SPIDR: variants seen among roughly 807,000 people sequenced by gnomAD.
SPIDR encodes DNA repair-scaffolding protein.
A neutral mutation model predicts 104.6 loss-of-function variants in SPIDR; 93 were observed. The observed-to-expected ratio is 0.89, with a 90% CI of 0.75 to 1.06. SPIDR has a LOEUF of 1.06. SPIDR is among the 50% of genes least tolerant of loss of function. The probability of loss-of-function intolerance (pLI) is 0.00; values close to 1 mark genes in which losing one functional copy is unlikely to be tolerated. For synonymous variants in SPIDR, 431 were observed against 416.9 expected (o/e 1.03, Z -0.41); for missense variants, 1,154 against 1,111.2 (o/e 1.04, Z -0.55).
intron 5 of SPIDR, among the ~76,000 whole-genome samples, chr8:47,322,526 G>T (rs1346624258): frequency 6.6e-6 from 1 of 152,214 alleles, no homozygotes; most frequent in Non-Finnish European, 1.5e-5. Flanking sequence ...GGAAGTCAGT[G>T]TGGCGATTCC....
intron 8 of SPIDR, among the ~76,000 whole-genome samples, chr8:47,479,060 T>A (rs1474996789): frequency 2.0e-5 from 3 of 151,492 alleles, no homozygotes; most frequent in Admixed American, 6.6e-5. Flanking sequence ...AAAAAAAAAA[T>A]TTAAAGAAAG....
chr8:47,461,849 A>G (rs1244451534), intron 8 of SPIDR, among the ~76,000 whole-genome samples: 2 of 150,358 alleles, frequency 1.3e-5, no homozygotes, highest in Non-Finnish European at 3.0e-5. Context: ...CTTAAATTGG[A>G]CTTTATCTTT....
intron 8 of SPIDR, among the ~76,000 whole-genome samples, chr8:47,505,337 G>A (rs998234308): frequency 2.6e-5 from 4 of 152,162 alleles, no homozygotes; most frequent in African/African-American, 7.2e-5. Flanking sequence ...CAGCAATGGC[G>A]GGCGCCTCTC....
At chr8:47,446,830 C>A (rs1444190968) in intron 8 of SPIDR, among the ~76,000 whole-genome samples, 9 of 152,088 alleles carry the variant, frequency 5.9e-5, no homozygotes, top group African/African-American at 1.7e-4. Context: ...CGTGATCCAC[C>A]CACTTCGGCT....
At chr8:47,398,922 G>A (rs2061539808) in intron 6 of SPIDR, among the ~76,000 whole-genome samples, 1 of 152,190 alleles carries the variant, frequency 6.6e-6, no homozygotes, top group South Asian at 2.1e-4. Flanking sequence ...TGCTGCCAGG[G>A]CTGACCTCTG....
At chr8:47,627,012 G>T (rs1409168143) in intron 10 of SPIDR, among the ~76,000 whole-genome samples, 3 of 152,172 alleles carry the variant, frequency 2.0e-5, no homozygotes, top group African/African-American at 7.2e-5. Context: ...CGATAGACTG[G>T]ATTAAGCAAA....
chr8:47,273,714 C>T (rs1232558664), intron 1 of SPIDR, among the ~76,000 whole-genome samples: 14 of 152,202 alleles, frequency 9.2e-5, no homozygotes, highest in African/African-American at 3.4e-4. Context: ...CTACCGCAGC[C>T]TCCTGAGCAG....
intron 8 of SPIDR, among the ~76,000 whole-genome samples, chr8:47,539,731 C>T (rs1166623086): frequency 1.3e-5 from 2 of 151,434 alleles, no homozygotes; most frequent in East Asian, 3.9e-4. Flanking sequence ...ATCTTAAGGT[C>T]CTTCACTTTT....
At chr8:47,665,440 A>T (rs767280248) in intron 10 of SPIDR, among the ~76,000 whole-genome samples, 13 of 152,230 alleles carry the variant, frequency 8.5e-5, no homozygotes. Context: ...ACTGTCGTTC[A>T]TCTTCATTTT....
chr8:47,660,512 CAG>C (rs2073931494), intron 10 of SPIDR: 3 of 985,408 alleles, frequency 3.0e-6, no homozygotes, highest in Non-Finnish European at 3.6e-6. Flanking sequence ...ATGGCTGAAA[CAG>C]GTGATTCTGC....
intron 14 of SPIDR, among the ~76,000 whole-genome samples, chr8:47,708,495 C>T (rs1384479125): frequency 1.3e-5 from 2 of 152,178 alleles, no homozygotes; most frequent in African/African-American, 4.8e-5. Flanking sequence ...CAGCACATTG[C>T]TCACAACTAA....
chr8:47,540,461 T>C (rs570307781), intron 8 of SPIDR, among the ~76,000 whole-genome samples: 2 of 152,324 alleles, frequency 1.3e-5, no homozygotes, highest in South Asian at 4.1e-4. Flanking sequence ...TCAAAAAATA[T>C]ATAATTGCAA....
chr8:47,576,072 G>A (rs1036882817), intron 8 of SPIDR, among the ~76,000 whole-genome samples: 11 of 151,234 alleles, frequency 7.3e-5, no homozygotes, highest in African/African-American at 2.7e-4. Flanking sequence ...TCTACAATAG[G>A]CATATTATAA....
At chr8:47,480,889 T>C (rs956696847) in intron 8 of SPIDR, among the ~76,000 whole-genome samples, 1 of 152,224 alleles carries the variant, frequency 6.6e-6, no homozygotes, top group Non-Finnish European at 1.5e-5. Context: ...CTTCAGAGGC[T>C]TTAATGGTAA....
At chr8:47,348,941 C>T (rs948624323) in intron 5 of SPIDR, among the ~76,000 whole-genome samples, 1 of 152,182 alleles carries the variant, frequency 6.6e-6, no homozygotes, top group Non-Finnish European at 1.5e-5. Flanking sequence ...TATTCTGAAG[C>T]CTACTTCTGT....
At chr8:47,433,340 T>C (rs149386526) in intron 7 of SPIDR, among the ~76,000 whole-genome samples, 190 of 152,312 alleles carry the variant, frequency 1.2e-3, no homozygotes, top group African/African-American at 4.4e-3. Context: ...CGGCTCATCA[T>C]TTGACTTCCC....
At chr8:47,615,954 G>C (rs2064251074) in intron 10 of SPIDR, among the ~76,000 whole-genome samples, 2 of 151,552 alleles carry the variant, frequency 1.3e-5, no homozygotes, top group Admixed American at 1.3e-4. Context: ...AAACCAGTTT[G>C]TTTCTTAATT....
intron 8 of SPIDR, among the ~76,000 whole-genome samples, chr8:47,454,264 T>C (rs2072495098): frequency 6.6e-6 from 1 of 152,182 alleles, no homozygotes; most frequent in African/African-American, 2.4e-5. Flanking sequence ...TAAGAAAATG[T>C]GGCACATACA....
intron 8 of SPIDR, among the ~76,000 whole-genome samples, chr8:47,568,321 G>A (rs1167317892): frequency 1.3e-5 from 2 of 152,142 alleles, no homozygotes; most frequent in Admixed American, 6.6e-5. Flanking sequence ...GATGAAAAGT[G>A]TTAGAACAAT....
Sources: allele counts gnomAD v4.1 joint callset (sites outside exome capture counted in the v4.1 genomes callset), GRCh38; gene constraint gnomAD v4.1.1; transcripts MANE v1.5; gene names NCBI Gene and HGNC (gene_info 2026-07-23, HGNC 2026-07-21).